Variants in PCDHGA10 observed in about 807,000 individuals in gnomAD.
PCDHGA10 encodes the protein protocadherin gamma-A10.
In PCDHGA10, 42 loss-of-function variants were observed where a neutral mutation model predicts 59.5. The observed-to-expected ratio is 0.71, with a 90% confidence interval of 0.55 to 0.91. The LOEUF is 0.91. Among genes scored for constraint, PCDHGA10 ranks in the 40% least tolerant of loss-of-function variants. PCDHGA10 has a pLI of 0.00. For synonymous variants in PCDHGA10, 511 were observed against 517.2 expected, an observed-to-expected ratio of 0.99 and a Z score of 0.16; for missense variants, 1,111 against 1,198.2, an observed-to-expected ratio of 0.93 and a Z score of 1.07.
chr5:141,488,046 G>A (rs958459817), intron 1 of PCDHGA10, among the ~76,000 whole-genome samples: 1 of 152,182 alleles, frequency 6.6e-6, no homozygotes, highest in African/African-American at 2.4e-5. Flanking sequence ...CCAAGGGATT[G>A]AGGGGAAATA....
chr5:141,443,093 C>G (rs1316602934), intron 1 of PCDHGA10, among the ~76,000 whole-genome samples: 2 of 151,940 alleles, frequency 1.3e-5, no homozygotes, highest in African/African-American at 4.8e-5. Flanking sequence ...CAGTCTCCTT[C>G]TCAAGCTGAA....
rs764482722 is a variant in PCDHGA10 at position 141,432,066 on chromosome 5, C to T, written c.2436+16455C>T. 62 of 1,614,062 alleles carry T rather than the reference C, an allele frequency of 3.8e-5. No individual in the cohort carries two copies. The highest frequency in any genetic ancestry group is 5.2e-5 in the Non-Finnish European group (61 of 1,180,046). On this transcript the variant is annotated intron_variant, in intron 1 of 3. Coordinates refer to ENST00000398610, the MANE Select transcript of PCDHGA10 (RefSeq NM_018913.3). The surrounding 1 kb of genome is among the most constrained non-coding windows in gnomAD (Gnocchi z 6.0). ...GGAACCCCGCCCCTATCCACGGAAA[C>T]TCATATCTCGCTGAACGTGGCAGAC...
intron 1 of PCDHGA10, chr5:141,418,417 T>C: frequency 6.2e-7 from 1 of 1,614,002 alleles, no homozygotes; most frequent in Non-Finnish European, 8.5e-7. Flanking sequence ...AAGACAATCC[T>C]GATGGTGGCA....
chr5:141,430,830 G>C, intron 1 of PCDHGA10: 1 of 1,554,968 alleles, frequency 6.4e-7, no homozygotes, highest in Non-Finnish European at 8.7e-7. Context: ...GGGACTCTGT[G>C]GGAGACCGGA....
intron 1 of PCDHGA10, among the ~76,000 whole-genome samples, chr5:141,445,668 G>C (rs899062385): frequency 6.6e-6 from 1 of 152,156 alleles, no homozygotes; most frequent in Non-Finnish European, 1.5e-5. Flanking sequence ...ATGAGTAGAA[G>C]TTATCTAGGT....
chr5:141,425,348 A>C (rs2096869744), intron 1 of PCDHGA10, among the ~76,000 whole-genome samples: 1 of 152,242 alleles, frequency 6.6e-6, no homozygotes, highest in Non-Finnish European at 1.5e-5. Context: ...GTTGGCTTTG[A>C]AATGTGATAT....
chr5:141,480,224 T>G (rs2099514647), intron 1 of PCDHGA10, among the ~76,000 whole-genome samples: 1 of 146,584 alleles, frequency 6.8e-6, no homozygotes, highest in Non-Finnish European at 1.5e-5. Context: ...AGCGACATAG[T>G]GAGATCCTGT....
At position 141,491,065 on chromosome 5, in the gene PCDHGA10, C is replaced by T; in HGVS notation, c.2437-3742C>T. On this transcript the variant is annotated intron_variant, in intron 1 of 3. Transcript: ENST00000398610. This position sits in a 1 kb window ranked among gnomAD's most constrained non-coding sequence, Gnocchi z 6.9. ...CCACAATGCGTGGCTCTCCTACTCA[C>T]TGTTGCCACAGTCCACAGCCCCAGG... 4 of 1,614,210 alleles carry T rather than the reference C, an allele frequency of 2.5e-6. No individual in the cohort carries two copies. Among genetic ancestry groups the T allele is most frequent in the Admixed American group, 1.7e-5 (1 of 60,030 alleles).
In PCDHGA10 at chr5:141,485,234, T is replaced by A. The variant is rs780126313; in HGVS notation, c.2437-9573T>A. 1 of 1,614,124 alleles carries A rather than the reference T, an allele frequency of 6.2e-7. No homozygotes were observed. The highest frequency in any genetic ancestry group is 1.1e-5 in the South Asian group (1 of 91,080). On this transcript the variant is annotated intron_variant, in intron 1 of 3. Transcript: ENST00000398610. This position sits in a 1 kb window ranked among gnomAD's most constrained non-coding sequence, Gnocchi z 5.7. ...GCGGTGGGCTACCCTTTTGTTCCTC[T>A]TTTACCACCTGGGTTACGTTTGTGG...
chr5:141,445,252 A>G (rs2098461096), intron 1 of PCDHGA10, among the ~76,000 whole-genome samples: 1 of 152,224 alleles, frequency 6.6e-6, no homozygotes, highest in Non-Finnish European at 1.5e-5. Context: ...ATATTGTGTG[A>G]GAATATAAGT....
chr5:141,471,206 T>C (rs113465424), intron 1 of PCDHGA10: 16,891 of 151,686 alleles, frequency 0.11, 970 homozygotes, highest in South Asian at 0.15. Context: ...CCCACCCCCA[T>C]GCCTGGCAAT....
Position 141,477,160 on chromosome 5 carries a change from C to A in PCDHGA10, c.2437-17647C>A, listed in dbSNP as rs768436526. The A allele has an allele frequency of 1.9e-5, 31 of 1,614,068 alleles. No homozygotes were observed. The African/African-American group carries it at 3.6e-4, about 19-fold the overall frequency. On this transcript the variant is annotated intron_variant, in intron 1 of 3. Coordinates refer to ENST00000398610, the MANE Select transcript of PCDHGA10 (RefSeq NM_018913.3). This position sits in a 1 kb window ranked among gnomAD's most constrained non-coding sequence, Gnocchi z 4.9. ...TGGAGGTTGTGGATGTGAATGACAA[C>A]GCCCCGGAGATCACAGTCACCTCCG...
chr5:141,423,554 A>G (rs1383467583), intron 1 of PCDHGA10: 8 of 1,613,590 alleles, frequency 5.0e-6, no homozygotes, highest in East Asian at 4.5e-5. Flanking sequence ...CAGCCCAACT[A>G]TGGGGACACG....
At chr5:141,459,806 A>G (rs2154566682) in intron 1 of PCDHGA10, among the ~76,000 whole-genome samples, 1 of 152,342 alleles carries the variant, frequency 6.6e-6, no homozygotes, top group African/African-American at 2.4e-5. Flanking sequence ...CCTGTTGACT[A>G]GAGACACTGA....
chr5:141,512,917 T>C lies in PCDHGA10; in HGVS notation c.*1744T>C, dbSNP rs543880225. On this transcript the variant is annotated 3_prime_UTR_variant, in exon 4 of 4. Transcript: ENST00000398610. ...TGTGTCTCACGCAAGTTTTATACTCTAATATTTATATGGCTTTTTTTCTTC... is the reference window on the plus strand; with the variant it reads ...TGTGTCTCACGCAAGTTTTATACTCCAATATTTATATGGCTTTTTTTCTTC... The C allele has an allele frequency of 1.3e-5, 2 of 152,378 alleles. No individual in the cohort carries two copies. Among genetic ancestry groups the C allele is most frequent in the African/African-American group, 2.4e-5 (1 of 41,588 alleles). The allele number at this position is 152,378 out of a possible 1,614,324, so 9.4% of individuals were successfully genotyped here.
Position 141,502,866 on chromosome 5 carries a change from C to CTTTTTTTTTTTTTT in PCDHGA10, c.2496-2526_2496-2513dup, listed in dbSNP as rs549047197. Among the ~76,000 whole-genome samples the CTTTTTTTTTTTTTT allele has an allele frequency of 1.6e-4, 20 of 128,024 alleles. 4 individuals are homozygous for CTTTTTTTTTTTTTT. The highest frequency in any genetic ancestry group is 2.6e-4 in the Admixed American group (3 of 11,660). 84.0% of individuals were successfully genotyped at this position (128,024 alleles called of 152,430 possible). A position where few individuals can be genotyped will look rare whatever the true frequency, so the allele number is the denominator to read the frequency against. The stretch of plus-strand genomic sequence containing the variant: ...GAGCTGCCTAACCCTGACTCTCTGT[C>CTTTTTTTTTTTTTT]TTTTTTTTTTTTTTGACAGGGAGTC... On this transcript the variant is annotated intron_variant, in intron 2 of 3. Transcript: ENST00000398610.
chr5:141,507,613 T>G (rs1003099044), intron 3 of PCDHGA10, among the ~76,000 whole-genome samples: 1 of 152,248 alleles, frequency 6.6e-6, no homozygotes, highest in African/African-American at 2.4e-5. Context: ...ACAGGTATAT[T>G]TAGCTGTTGT....
At chr5:141,433,767 G>A (rs1237334342) in intron 1 of PCDHGA10, among the ~76,000 whole-genome samples, 1 of 151,532 alleles carries the variant, frequency 6.6e-6, no homozygotes, top group East Asian at 1.9e-4. Flanking sequence ...AACCTGGGAG[G>A]TGGAGGTTGC....
Position 141,477,439 on chromosome 5 carries a change from A to C in PCDHGA10, c.2437-17368A>C. 1 of 1,614,142 alleles carries C rather than the reference A, an allele frequency of 6.2e-7. No homozygotes were observed. Among genetic ancestry groups the C allele is most frequent in the Non-Finnish European group, 8.5e-7 (1 of 1,180,016 alleles). On this transcript the variant is annotated intron_variant, in intron 1 of 3. Transcript: ENST00000398610. This position sits in a 1 kb window ranked among gnomAD's most constrained non-coding sequence, Gnocchi z 4.9. ...GAACCCCTTCCCTCTCAGCCCTTAC[A>C]ATAGTGCGTGTTCAAGTGTCCGACA... is the stretch of plus-strand genomic sequence containing the variant.
Sources: gnomAD v4.1 joint callset for allele counts (sites outside exome capture counted in the v4.1 genomes callset) on GRCh38, gnomAD v4.1.1 for gene constraint, Gnocchi (gnomAD v3.1) non-coding constraint, MANE v1.5 for transcripts, NCBI Gene and HGNC (gene_info 2026-07-23, HGNC 2026-07-21) for gene names.